The following CA6 variants were observed in gnomAD, a reference collection of about 807,000 sequenced individuals.
The protein encoded by CA6 is carbonic anhydrase 6, also known as carbonate dehydratase VI.
In CA6, 28 loss-of-function variants were observed where a neutral mutation model predicts 35.9. The ratio of observed to expected loss-of-function variants is 0.78; its 90% CI spans 0.58 to 1.07. The LOEUF (loss-of-function observed/expected upper bound fraction) is 1.07, where lower values mean the gene tolerates loss of function less well. CA6 is among the 50% of genes least tolerant of loss of function. The probability of loss-of-function intolerance (pLI) is 0.00; values close to 1 mark genes in which losing one functional copy is unlikely to be tolerated. For synonymous variants in CA6, 148 were observed against 152.6 expected (o/e 0.97, Z 0.22); for missense variants, 377 against 382.0 (o/e 0.99, Z 0.11).
At position 8,968,712 on chromosome 1, in the gene CA6, A is replaced by C. The variant is rs555222830; in HGVS notation, c.729+896A>C. The stretch of plus-strand genomic sequence containing the variant: ...ATAGAATTTCTAGAAATGGAAAAAT[A>C]GTATCAAAAATTAATAATCCAGGCC... On this transcript the variant is annotated intron_variant, in intron 6 of 7. Coordinates refer to ENST00000377443, the MANE Select transcript of CA6 (RefSeq NM_001215.4). Among the ~76,000 whole-genome samples, 22 of 152,286 alleles carry C rather than the reference A, an allele frequency of 1.4e-4. No homozygotes were observed. In the East Asian group the frequency reaches 2.7e-3, roughly 19 times the overall value.
intron 5 of CA6, among the ~76,000 whole-genome samples, chr1:8,964,401 C>T (rs556765094): frequency 6.6e-6 from 1 of 152,234 alleles, no homozygotes; most frequent in African/African-American, 2.4e-5. Flanking sequence ...GCACACACCA[C>T]CATGCCTGGC....
chr1:8,953,578 C>T (rs1319500284), intron 2 of CA6, among the ~76,000 whole-genome samples: 2 of 152,170 alleles, frequency 1.3e-5, no homozygotes, highest in African/African-American at 2.4e-5. Flanking sequence ...GCTATGATTG[C>T]ACCACTGCAC....
Position 8,963,079 on chromosome 1 carries a change from C to T in CA6, c.571+423C>T, listed in dbSNP as rs1384278282. Among the ~76,000 whole-genome samples the T allele has an allele frequency of 1.3e-5, 2 of 152,146 alleles. No individual in the cohort carries two copies. Among genetic ancestry groups the T allele is most frequent in the Non-Finnish European group, 2.9e-5 (2 of 68,028 alleles). On this transcript the variant is annotated intron_variant, in intron 5 of 7. Coordinates refer to ENST00000377443, the MANE Select transcript of CA6 (RefSeq NM_001215.4). The surrounding 1 kb of genome is among the most constrained non-coding windows in gnomAD (Gnocchi z 4.1). ...CAGACACTCGGGGTGTTCTTCCGTCCCCTCTCCTCCAGAGGGCGGCGTTCT... is the reference window on the plus strand; with the variant it reads ...CAGACACTCGGGGTGTTCTTCCGTCTCCTCTCCTCCAGAGGGCGGCGTTCT...
chr1:8,974,221 G>C, intron 7 of CA6: 1 of 588,134 alleles, frequency 1.7e-6, no homozygotes, highest in Admixed American at 3.5e-5. Context: ...ATCCCAGCGG[G>C]GTTGATATGA....
At chr1:8,969,036 C>T (rs1234789806) in intron 6 of CA6, among the ~76,000 whole-genome samples, 6 of 145,048 alleles carry the variant, frequency 4.1e-5, no homozygotes, top group African/African-American at 1.6e-4. Flanking sequence ...AAAAAGTTTG[C>T]TGGGCACGGT....
At chr1:8,967,431 G>A (rs1377644289) in intron 5 of CA6, among the ~76,000 whole-genome samples, 1 of 152,100 alleles carries the variant, frequency 6.6e-6, no homozygotes. Flanking sequence ...TGAGCACCCG[G>A]CCAAGAGCAC....
rs572601668 is a variant in CA6 at position 8,949,541 on chromosome 1, C to G, written c.259+99C>G. The stretch of plus-strand genomic sequence containing the variant: ...GCCAGGAATGGCTTGCACAGAGACA[C>G]AGAGCACGGCCTCAGAGCTGGAGGC... On this transcript the variant is annotated intron_variant, in intron 2 of 7. Transcript: ENST00000377443. 5.7e-4 allele frequency: 603 copies of G among 1,049,128 alleles called. 7 individuals carry two copies. In the African/African-American group the frequency reaches 8.2e-3, roughly 14 times the overall value. The allele number at this position is 1,049,128 out of a possible 1,614,324, so 65.0% of individuals were successfully genotyped here.
intron 2 of CA6, among the ~76,000 whole-genome samples, chr1:8,950,408 C>T (rs911188280): frequency 9.9e-5 from 15 of 152,102 alleles, no homozygotes; most frequent in Non-Finnish European, 1.9e-4. Flanking sequence ...AAGTCTGAGG[C>T]CTCAGGAGGT....
At chr1:8,946,102 A>G (rs925302839) in intron 1 of CA6, 137 bp downstream of exon 1, 7 of 608,216 alleles carry the variant, frequency 1.2e-5, no homozygotes, top group Non-Finnish European at 2.0e-5. Flanking sequence ...CAGTAGTGTG[A>G]TGTTGGCTCA....
intron 5 of CA6, among the ~76,000 whole-genome samples, chr1:8,966,376 C>T (rs1042731943): frequency 2.0e-5 from 3 of 152,118 alleles, no homozygotes; most frequent in Non-Finnish European, 4.4e-5. Context: ...TCCCAAAGTG[C>T]TGGGATTACA....
intron 5 of CA6, 66 bp downstream of exon 5, chr1:8,962,722 GC>G (rs1167562579): frequency 4.3e-6 from 6 of 1,393,636 alleles, no homozygotes; most frequent in Non-Finnish European, 4.1e-6. Flanking sequence ...TGTGAGGTGG[GC>G]CCAGGGGGCA....
intron 6 of CA6, among the ~76,000 whole-genome samples, chr1:8,968,372 AG>A (rs1207846017): frequency 6.6e-6 from 1 of 152,200 alleles, no homozygotes; most frequent in Non-Finnish European, 1.5e-5. Flanking sequence ...AAGTGCCCCC[AG>A]ACACCTGACA....
chr1:8,957,050 G>A (rs540306598), intron 2 of CA6, 87 bp from the exon 3 acceptor site: 160 of 1,210,200 alleles, frequency 1.3e-4, no homozygotes, highest in Middle Eastern at 1.1e-3. Context: ...CAGACAGGTG[G>A]GAGGTGAGCA....
chr1:8,956,874 G>A (rs1639698794), intron 2 of CA6, among the ~76,000 whole-genome samples: 2 of 152,332 alleles, frequency 1.3e-5, no homozygotes, highest in Middle Eastern at 3.4e-3. Flanking sequence ...TTGGTTCTGG[G>A]CGGGAAGGAG....
intron 3 of CA6, among the ~76,000 whole-genome samples, chr1:8,958,431 G>A (rs1187428505): frequency 1.3e-5 from 2 of 152,194 alleles, no homozygotes; most frequent in African/African-American, 2.4e-5. Flanking sequence ...GCCTCCCAAA[G>A]TGCTGGGATT....
At chr1:8,951,774 G>T (rs1002608359) in intron 2 of CA6, 1 of 676,480 alleles carries the variant, frequency 1.5e-6, no homozygotes, top group Non-Finnish European at 2.6e-6. Context: ...ACAGCATGTC[G>T]GACATTAGAG....
At chr1:8,955,642 C>T (rs773387651) in intron 2 of CA6, among the ~76,000 whole-genome samples, 12 of 150,478 alleles carry the variant, frequency 8.0e-5, no homozygotes, top group Admixed American at 2.6e-4. Flanking sequence ...GGCCCTTCCA[C>T]GCCTCCTTTT....
At chr1:8,950,100 C>G (rs967764710) in intron 2 of CA6, among the ~76,000 whole-genome samples, 3 of 152,078 alleles carry the variant, frequency 2.0e-5, no homozygotes, top group African/African-American at 7.3e-5. Context: ...CTGCCTCAGC[C>G]TCCTGAGTAG....
chr1:8,967,587 T>C (rs919250095), intron 5 of CA6, 72 bp from the exon 6 acceptor site: 81 of 1,309,812 alleles, frequency 6.2e-5, no homozygotes, highest in Non-Finnish European at 8.3e-5. Context: ...TGGCGAGGCC[T>C]GGGCCTGAGC....
Sources: allele counts gnomAD v4.1 joint callset (sites outside exome capture counted in the v4.1 genomes callset), GRCh38; gene constraint gnomAD v4.1.1; non-coding constraint Gnocchi (gnomAD v3.1); transcripts MANE v1.5; gene names NCBI Gene and HGNC (gene_info 2026-07-23, HGNC 2026-07-21).